Variants in SLC13A5 observed in about 807,000 individuals in gnomAD.
SLC13A5 encodes solute carrier family 13 member 5.
In SLC13A5, 25 loss-of-function variants were observed where a neutral mutation model predicts 56.5. That is an observed-to-expected ratio of 0.44 (90% CI 0.32 to 0.62). The LOEUF (loss-of-function observed/expected upper bound fraction) is 0.62. Ranked by LOEUF, SLC13A5 falls within the 20% of genes least tolerant of loss-of-function variation. SLC13A5 has a pLI of 0.04. For missense variants in SLC13A5, 649 were observed against 737.8 expected (o/e 0.88, Z 1.39); for synonymous variants, 307 against 301.5 (o/e 1.02, Z -0.19).
chr17:6,708,549 C>T (rs1440230985), intron 1 of SLC13A5, among the ~76,000 whole-genome samples: 1 of 152,230 alleles, frequency 6.6e-6, no homozygotes, highest in Non-Finnish European at 1.5e-5. Flanking sequence ...ATTTCTACAG[C>T]ATATTTCTGG....
chr17:6,688,982 GATA>G (rs371039957), intron 10 of SLC13A5: 1 of 152,138 alleles, frequency 6.6e-6, no homozygotes, highest in South Asian at 2.1e-4. Context: ...TTAATGGCCT[GATA>G]ATGTCATATT....
chr17:6,700,931 T>C, intron 6 of SLC13A5, 73 bp downstream of exon 6: 4 of 1,599,444 alleles, frequency 2.5e-6, no homozygotes, highest in Non-Finnish European at 3.4e-6. Context: ...AACCTGCCTA[T>C]TGAGTCTGAG....
chr17:6,703,309 G>C (rs546914550), intron 4 of SLC13A5, among the ~76,000 whole-genome samples, 171 bp from the exon 5 acceptor site: 1 of 152,362 alleles, frequency 6.6e-6, no homozygotes, highest in South Asian at 2.1e-4. Flanking sequence ...ATTCCTCTCT[G>C]TAAGCCCCAG....
chr17:6,707,126 T>G lies in SLC13A5; in HGVS notation c.133A>C (p.Met45Leu). Residue 45 changes from methionine (M) to leucine (L), a missense_variant, in exon 2 of 12, where the codon ATG becomes CTG. Physicochemically the swap from Met to Leu is conservative, Grantham distance 15. Transcript: ENST00000433363. ...FVRCAYVIIL[M>L]AIYWCTEVIP... ...ACTTCTGTGCACCAGTAAATGGCCA[T>G]GAGGATGATGACGTAGGCACACCTG... 6.2e-7 allele frequency: 1 copy of G among 1,613,840 alleles called. No homozygotes were observed. Among genetic ancestry groups the G allele is most frequent in the Non-Finnish European group, 8.5e-7 (1 of 1,179,938 alleles).
chr17:6,707,183 C>T lies in SLC13A5; in HGVS notation c.103-27G>A, dbSNP rs201895686. On this transcript the variant is annotated intron_variant, in intron 1 of 11. Transcript: ENST00000433363. ...TGAAGAGACAGTCCTGAGGCCTCAGCGTGTTGCCGCCTCCCTCTCCCCACC... is the reference window on the plus strand; with the variant it reads ...TGAAGAGACAGTCCTGAGGCCTCAGTGTGTTGCCGCCTCCCTCTCCCCACC... 816 of 1,611,038 alleles carry T rather than the reference C, an allele frequency of 5.1e-4. 4 individuals are homozygous for T. In the African/African-American group the frequency reaches 6.5e-3, roughly 13 times the overall value.
intron 1 of SLC13A5, 42 bp from the exon 2 acceptor site, chr17:6,707,198 C>G (rs1973893544): frequency 6.2e-7 from 1 of 1,608,740 alleles, no homozygotes; most frequent in Non-Finnish European, 8.5e-7. Flanking sequence ...TGCCGCCTCC[C>G]TCTCCCCACC....
chr17:6,700,886 G>A (rs1308437286), intron 6 of SLC13A5, 118 bp downstream of exon 6: 1 of 1,451,520 alleles, frequency 6.9e-7, no homozygotes, highest in Non-Finnish European at 9.4e-7. Flanking sequence ...GACAGGGCTG[G>A]AGAAAGATCA....
Position 6,701,826 on chromosome 17 carries a change from C to A in SLC13A5, c.717-700G>T, listed in dbSNP as rs920365390. 5.9e-5 allele frequency among the ~76,000 whole-genome samples: 9 copies of A among 152,322 alleles called. No homozygotes were observed. The highest frequency in any genetic ancestry group is 1.9e-4 in the African/African-American group (8 of 41,576). On this transcript the variant is annotated intron_variant, in intron 5 of 11. Transcript: ENST00000433363. The surrounding 1 kb of genome is among the most constrained non-coding windows in gnomAD (Gnocchi z 4.1). ...TCTGTGGGTTTCTGCAAAGAACGGT[C>A]CCCCCACTTAGCAAAGGAAATCTCA...
At chr17:6,686,554 T>C in intron 11 of SLC13A5, 1 of 552,792 alleles carries the variant, frequency 1.8e-6, no homozygotes. Flanking sequence ...GGATGGGTTC[T>C]CTATGCCCGT....
chr17:6,690,421 C>T lies in SLC13A5; in HGVS notation c.1437+358G>A, dbSNP rs550606321. ...GCCAGTGGTGCTCCCAGTCTGCAGT[C>T]CTCCTGCACACCTGTGCTACATGCT... On this transcript the variant is annotated intron_variant, in intron 10 of 11. Transcript: ENST00000433363. Among the ~76,000 whole-genome samples the T allele has an allele frequency of 4.6e-5, 7 of 152,366 alleles. No individual in the cohort carries two copies. The East Asian group carries it at 1.3e-3, about 29-fold the overall frequency.
chr17:6,706,533 C>T, intron 3 of SLC13A5, 109 bp downstream of exon 3: 1 of 1,461,290 alleles, frequency 6.8e-7, no homozygotes, highest in South Asian at 1.4e-5. Flanking sequence ...CCAGGTAAGC[C>T]CATGGCCAGC....
In SLC13A5 at chr17:6,693,111, T is replaced by C; in HGVS notation, c.1208A>G (p.Gln403Arg). ...CACGATGCCCCAGGGCACTTTCTCC[T>C]GGGTTACCTTCCAATCCAGCAGGGG... Reference protein sequence around the residue: ...PPPLLDWKVTQEKVPWGIVLL... With the variant: ...PPPLLDWKVTREKVPWGIVLL... The change falls in exon 9 of 12, where the codon CAG (glutamine) becomes CGG (arginine). Residue 403 changes from glutamine to arginine, a missense_variant. Transcript: ENST00000433363. The C allele has an allele frequency of 1.9e-6, 3 of 1,613,546 alleles. No homozygotes were observed. The highest frequency in any genetic ancestry group is 1.7e-5 in the Admixed American group (1 of 59,930).
In SLC13A5 at chr17:6,687,466, G is replaced by A; in HGVS notation, c.1575+63C>T. 2 of 1,590,874 alleles carry A rather than the reference G, an allele frequency of 1.3e-6. No individual in the cohort carries two copies. The highest frequency in any genetic ancestry group is 1.7e-6 in the Non-Finnish European group (2 of 1,170,578). On this transcript the variant is annotated intron_variant, in intron 11 of 11. Transcript: ENST00000433363. The surrounding 1 kb of genome is among the most constrained non-coding windows in gnomAD (Gnocchi z 5.0). Reference sequence around the variant, plus strand: ...TTTTGAAACTCTGTCATTCATAAATGGGGCATCCCTTATGACAACAGCGTT... The same window carrying A: ...TTTTGAAACTCTGTCATTCATAAATAGGGCATCCCTTATGACAACAGCGTT...
At chr17:6,702,877 C>T (rs887706982) in intron 5 of SLC13A5, 93 bp downstream of exon 5, 1 of 1,514,256 alleles carries the variant, frequency 6.6e-7, no homozygotes, top group East Asian at 2.3e-5. Flanking sequence ...CGAGGCTTTC[C>T]AGGACTCTGC....
In SLC13A5 at chr17:6,695,748, C is replaced by T; in HGVS notation, c.1033G>A (p.Ala345Thr). ...TACTTTGTCTCACCCTCCACCCAGGCAACAGTCAGCCAGCCGGGCATGAAG... is the reference window on the plus strand; with the variant it reads ...TACTTTGTCTCACCCTCCACCCAGGTAACAGTCAGCCAGCCGGGCATGAAG... ...PGFMPGWLTV[A>T]WVEGETKYVS... Residue 345 changes from alanine to threonine, a missense_variant, in exon 7 of 12, where the codon GCC (alanine) becomes ACC (threonine). Ala to Thr is a moderately conservative substitution (Grantham distance 58). Transcript: ENST00000433363. 1.9e-6 allele frequency: 3 copies of T among 1,614,130 alleles called. No individual in the cohort carries two copies. The highest frequency in any genetic ancestry group is 2.7e-5 in the African/African-American group (2 of 75,048).
At position 6,685,953 on chromosome 17, in the gene SLC13A5, C is replaced by A; in HGVS notation, c.*254G>T. 4.0e-6 allele frequency: 2 copies of A among 503,066 alleles called. No individual in the cohort carries two copies. The highest frequency in any genetic ancestry group is 7.1e-6 in the Non-Finnish European group (2 of 280,002). The allele number at this position is 503,066 out of a possible 1,614,324, so 31.2% of individuals were successfully genotyped here. ...CTGGCCTCCCTCACAGAGATAATGG[C>A]AAGGCTTGGGAAAGATGGGTCCAGC... On this transcript the variant is annotated 3_prime_UTR_variant, in exon 12 of 12. Coordinates refer to ENST00000433363, the MANE Select transcript of SLC13A5 (RefSeq NM_177550.5). The surrounding 1 kb of genome is among the most constrained non-coding windows in gnomAD (Gnocchi z 4.2).
chr17:6,699,884 G>A (rs2151491097), intron 6 of SLC13A5, among the ~76,000 whole-genome samples: 1 of 152,354 alleles, frequency 6.6e-6, no homozygotes, highest in East Asian at 1.9e-4. Flanking sequence ...GGGATTACAG[G>A]TGTGAGCCAT....
rs1320065273 is a variant in SLC13A5 at position 6,695,726 on chromosome 17, T to C, written c.1055A>G (p.Lys352Arg). Residue 352 changes from lysine to arginine, a missense_variant and splice_region_variant, in exon 7 of 12, where the codon AAG becomes AGG. Physicochemically the swap from Lys to Arg is conservative, Grantham distance 26. Transcript: ENST00000433363. ...GATTTCTATTGAATCCAAGACTTAC[T>C]TTGTCTCACCCTCCACCCAGGCAAC... Reference protein sequence around the residue: ...LTVAWVEGETKYVSDATVAIF... With the variant: ...LTVAWVEGETRYVSDATVAIF... 6.2e-7 allele frequency: 1 copy of C among 1,614,066 alleles called. No homozygotes were observed. The highest frequency in any genetic ancestry group is 1.1e-5 in the South Asian group (1 of 91,076).
At chr17:6,708,500 C>T (rs996659631) in intron 1 of SLC13A5, among the ~76,000 whole-genome samples, 4 of 152,200 alleles carry the variant, frequency 2.6e-5, no homozygotes, top group African/African-American at 7.2e-5. Flanking sequence ...CAACATAAGC[C>T]AATATTCCCA....
Sources: gnomAD v4.1 joint callset for allele counts (sites outside exome capture counted in the v4.1 genomes callset) on GRCh38, gnomAD v4.1.1 for gene constraint, Gnocchi (gnomAD v3.1) non-coding constraint, MANE v1.5 for transcripts, NCBI Gene and HGNC (gene_info 2026-07-23, HGNC 2026-07-21) for gene names.